The following CTNNA2 variants were observed in gnomAD, a reference collection of about 807,000 sequenced individuals.
CTNNA2 encodes catenin alpha-2.
Under a neutral mutation model 101.0 loss-of-function variants are expected in CTNNA2, and 42 were observed. The ratio of observed to expected loss-of-function variants is 0.42; its 90% CI spans 0.32 to 0.54. The LOEUF (loss-of-function observed/expected upper bound fraction) is 0.54. Ranked by LOEUF, CTNNA2 falls within the 20% of genes least tolerant of loss-of-function variation. The pLI is 0.14. For missense variants in CTNNA2, 871 were observed against 1,223.1 expected, an observed-to-expected ratio of 0.71 and a Z score of 4.29; for synonymous variants, 450 against 456.4, an observed-to-expected ratio of 0.99 and a Z score of 0.18.
chr2:79,192,559 G>A (rs189971702), intron 1 of CTNNA2, among the ~76,000 whole-genome samples: 1 of 152,276 alleles, frequency 6.6e-6, no homozygotes, highest in African/African-American at 2.4e-5. Flanking sequence ...ATTATTCTGA[G>A]TTTAAGCTGA....
Position 80,643,408 on chromosome 2 carries a change from G to A in CTNNA2, c.2575-4177G>A, listed in dbSNP as rs566466947. Among the ~76,000 whole-genome samples, 10 of 152,256 alleles carry A rather than the reference G, an allele frequency of 6.6e-5. No individual in the cohort carries two copies. The South Asian group carries it at 1.2e-3, about 19-fold the overall frequency. ...GGTTGTGAGATAGAATGAAATAAAC[G>A]AAACTCAGGGAACTAGTTCAGAAAA... is the stretch of plus-strand genomic sequence containing the variant. On this transcript the variant is annotated intron_variant, in intron 18 of 18. Transcript: ENST00000402739.
intron 7 of CTNNA2, among the ~76,000 whole-genome samples, chr2:80,372,286 A>G (rs1285228850): frequency 2.6e-5 from 4 of 151,878 alleles, no homozygotes. Flanking sequence ...CATTGCCTTA[A>G]ACCAGTCTCA....
At chr2:80,646,423 G>C (rs1331885632) in intron 18 of CTNNA2, among the ~76,000 whole-genome samples, 2 of 152,112 alleles carry the variant, frequency 1.3e-5, no homozygotes, top group African/African-American at 2.4e-5. Flanking sequence ...GATATTTGCA[G>C]TTCAGCTGTT....
At chr2:80,129,678 T>G (rs915569517) in intron 7 of CTNNA2, among the ~76,000 whole-genome samples, 1 of 152,226 alleles carries the variant, frequency 6.6e-6, no homozygotes, top group African/African-American at 2.4e-5. Context: ...CATCTCATCC[T>G]TAACTACAAC....
chr2:80,593,446 T>G (rs902378577), intron 15 of CTNNA2, among the ~76,000 whole-genome samples: 2 of 152,188 alleles, frequency 1.3e-5, no homozygotes, highest in African/African-American at 2.4e-5. Flanking sequence ...ACTTGTGCTG[T>G]CCAATACAGT....
intron 2 of CTNNA2, among the ~76,000 whole-genome samples, chr2:79,304,405 A>G (rs1223343478): frequency 6.6e-6 from 1 of 152,150 alleles, no homozygotes; most frequent in African/African-American, 2.4e-5. Context: ...ACAGAAAAAT[A>G]CATTGGATTT....
At chr2:79,523,826 G>T (rs937172952) in intron 1 of CTNNA2, among the ~76,000 whole-genome samples, 9 of 151,990 alleles carry the variant, frequency 5.9e-5, no homozygotes, top group Non-Finnish European at 1.0e-4. Context: ...TTGTTTCCCA[G>T]ATTTCTAGAG....
At chr2:80,017,340 T>TA (rs1327206491) in intron 7 of CTNNA2, among the ~76,000 whole-genome samples, 1 of 151,738 alleles carries the variant, frequency 6.6e-6, no homozygotes. Flanking sequence ...AATAAAAGAG[T>TA]AAAAAAACAA....
At chr2:80,596,665 T>C (rs910565771) in intron 15 of CTNNA2, among the ~76,000 whole-genome samples, 2 of 152,236 alleles carry the variant, frequency 1.3e-5, no homozygotes, top group Middle Eastern at 6.8e-3. Context: ...AGAGACAATT[T>C]GACTTCTTTT....
At chr2:80,342,066 C>G (rs1418381035) in intron 7 of CTNNA2, among the ~76,000 whole-genome samples, 1 of 152,088 alleles carries the variant, frequency 6.6e-6, no homozygotes, top group East Asian at 1.9e-4. Context: ...ACAGGCAAAT[C>G]TAGAGACAGA....
At chr2:79,873,034 G>C (rs1293196456) in intron 5 of CTNNA2, among the ~76,000 whole-genome samples, 1 of 152,224 alleles carries the variant, frequency 6.6e-6, no homozygotes, top group African/African-American at 2.4e-5. Flanking sequence ...TCTTTGGCCT[G>C]TTATTTTCTG....
At chr2:80,397,367 G>A (rs1335878992) in intron 8 of CTNNA2, among the ~76,000 whole-genome samples, 1 of 152,166 alleles carries the variant, frequency 6.6e-6, no homozygotes, top group African/African-American at 2.4e-5. Flanking sequence ...TTTTACAGAT[G>A]AGGATGTGAA....
chr2:80,073,024 A>G (rs1015235866), intron 7 of CTNNA2, among the ~76,000 whole-genome samples: 1 of 152,228 alleles, frequency 6.6e-6, no homozygotes, highest in African/African-American at 2.4e-5. Context: ...TATTTGAATC[A>G]ATCAAAGTGA....
At chr2:79,492,157 T>C (rs1671211908) in intron 4 of CTNNA2, among the ~76,000 whole-genome samples, 1 of 152,074 alleles carries the variant, frequency 6.6e-6, no homozygotes, top group South Asian at 2.1e-4. Context: ...TATTTTAATA[T>C]TCATACTATT....
intron 7 of CTNNA2, among the ~76,000 whole-genome samples, chr2:80,179,595 G>A (rs1316615685): frequency 3.3e-5 from 5 of 152,092 alleles, no homozygotes; most frequent in Non-Finnish European, 7.4e-5. Context: ...GGATGGTCTA[G>A]ATCTCCTGAC....
At chr2:80,337,222 G>A (rs1671829685) in intron 7 of CTNNA2, among the ~76,000 whole-genome samples, 1 of 152,050 alleles carries the variant, frequency 6.6e-6, no homozygotes, top group Non-Finnish European at 1.5e-5. Flanking sequence ...GGGTGTGGTG[G>A]CACACACCTG....
intron 1 of CTNNA2, among the ~76,000 whole-genome samples, chr2:79,602,333 GTT>G (rs1158383204): frequency 3.3e-5 from 5 of 151,818 alleles, no homozygotes; most frequent in Non-Finnish European, 7.4e-5. Context: ...ATAAAATTCA[GTT>G]TACCCATTCA....
chr2:79,471,662 C>A (rs902035189), intron 4 of CTNNA2, among the ~76,000 whole-genome samples: 2 of 151,944 alleles, frequency 1.3e-5, no homozygotes, highest in African/African-American at 4.8e-5. Flanking sequence ...CACGGTGAAA[C>A]CCTGTCTCTA....
At chr2:79,449,621 T>G (rs1400109382) in intron 4 of CTNNA2, among the ~76,000 whole-genome samples, 1 of 152,070 alleles carries the variant, frequency 6.6e-6, no homozygotes, top group East Asian at 1.9e-4. Context: ...AGTTTACCTC[T>G]GTTTTTTATG....
Sources: gnomAD v4.1 joint callset for allele counts (sites outside exome capture counted in the v4.1 genomes callset) on GRCh38, gnomAD v4.1.1 for gene constraint, MANE v1.5 for transcripts, NCBI Gene and HGNC (gene_info 2026-07-23, HGNC 2026-07-21) for gene names.